PITPNM3: variants seen among roughly 807,000 people sequenced by gnomAD.
The protein encoded by PITPNM3 is PITPNM family member 3.
PITPNM3 carries 26 observed loss-of-function variants against 102.0 expected under a neutral mutation model. The ratio of observed to expected loss-of-function variants is 0.25; its 90% confidence interval spans 0.19 to 0.35. PITPNM3 has a LOEUF of 0.35. Ranked by LOEUF, PITPNM3 falls within the 10% of genes least tolerant of loss-of-function variation. The pLI, the probability that PITPNM3 is intolerant of heterozygous loss-of-function variation, is 1.00. For synonymous variants in PITPNM3, 578 were observed against 558.6 expected, an observed-to-expected ratio of 1.03 and a Z score of -0.49; for missense variants, 1,083 against 1,346.1, an observed-to-expected ratio of 0.80 and a Z score of 3.06.
chr17:6,474,421 ACCAT>A lies in PITPNM3; in HGVS notation c.1258+7_1258+10del, dbSNP rs754320748. 1 of 1,612,636 alleles carries A rather than the reference ACCAT, an allele frequency of 6.2e-7. No homozygotes were observed. The highest frequency in any genetic ancestry group is 8.5e-7 in the Non-Finnish European group (1 of 1,179,718). ...ACAGGCACCTCAGGCCCCAGCCCAC[ACCAT>A]CCCTACCGTCCAGCCCAGGCAGCAC... On this transcript the variant is annotated splice_region_variant and intron_variant, in intron 10 of 19. Transcript: ENST00000262483.
chr17:6,534,371 C>A (rs1200084467), intron 2 of PITPNM3, among the ~76,000 whole-genome samples: 3 of 152,206 alleles, frequency 2.0e-5, no homozygotes, highest in Non-Finnish European at 2.9e-5. Flanking sequence ...CCTCCCATGC[C>A]TTCCATACAG....
rs1439407891 is a variant in PITPNM3, at chr17:6,469,051, C to T, written c.1774-710G>A. The stretch of plus-strand genomic sequence containing the variant: ...GTCCTCTCCCTACACTCTCTGGGTC[C>T]TCCAACCTCAGGGATGTCCTCTTCT... On this transcript the variant is annotated intron_variant, in intron 13 of 19. Coordinates refer to ENST00000262483, the MANE Select transcript of PITPNM3 (RefSeq NM_031220.4). This position sits in a 1 kb window ranked among gnomAD's most constrained non-coding sequence, Gnocchi z 4.0. Among the ~76,000 whole-genome samples, 1 of 152,172 alleles carries T rather than the reference C, an allele frequency of 6.6e-6. No individual in the cohort carries two copies. The highest frequency in any genetic ancestry group is 6.5e-5 in the Admixed American group (1 of 15,282).
intron 2 of PITPNM3, among the ~76,000 whole-genome samples, chr17:6,529,329 TCA>T (rs1184916259): frequency 6.6e-6 from 1 of 152,194 alleles, no homozygotes. Flanking sequence ...GCGCAGTGAC[TCA>T]CACCTGTAAT....
intron 12 of PITPNM3, 129 bp downstream of exon 12, chr17:6,471,032 C>G: frequency 9.1e-7 from 1 of 1,102,672 alleles, no homozygotes; most frequent in Non-Finnish European, 1.3e-6. Context: ...AGCAAGCCCC[C>G]AGGACTTCCT....
In PITPNM3 at chr17:6,468,546, G is replaced by T. The variant is rs1443767289; in HGVS notation, c.1774-205C>A. On this transcript the variant is annotated intron_variant, in intron 13 of 19. Transcript: ENST00000262483. This position sits in a 1 kb window ranked among gnomAD's most constrained non-coding sequence, Gnocchi z 5.2. ...TGGGGCCAGAGCAGTCTCCCAGCTGGCTCCCTTCCTGAGAGAAGTCTCTGC... is the reference window on the plus strand; with the variant it reads ...TGGGGCCAGAGCAGTCTCCCAGCTGTCTCCCTTCCTGAGAGAAGTCTCTGC... 6.6e-6 allele frequency among the ~76,000 whole-genome samples: 1 copy of T among 152,132 alleles called. No homozygotes were observed. The highest frequency in any genetic ancestry group is 1.5e-5 in the Non-Finnish European group (1 of 68,018).
intron 1 of PITPNM3, among the ~76,000 whole-genome samples, chr17:6,548,169 C>A (rs745537587): frequency 1.4e-4 from 22 of 152,138 alleles, no homozygotes; most frequent in Non-Finnish European, 2.4e-4. Flanking sequence ...CCAATGTGAC[C>A]CCCTGCAGGT....
chr17:6,494,315 T>G (rs1906671474), intron 4 of PITPNM3, among the ~76,000 whole-genome samples: 3 of 152,120 alleles, frequency 2.0e-5, no homozygotes, highest in Admixed American at 2.0e-4. Context: ...CAGCCCTGCC[T>G]CCTCAGGGAG....
In PITPNM3 at chr17:6,525,437, T is replaced by C. The variant is rs554054119; in HGVS notation, c.145A>G (p.Ile49Val). 42 of 1,614,096 alleles carry C rather than the reference T, an allele frequency of 2.6e-5. No individual in the cohort carries two copies. Among genetic ancestry groups the C allele is most frequent in the Admixed American group, 6.7e-5 (4 of 60,010 alleles). ...TTCCACTGGCTCATCCCAATGAGGA[T>C]GGCATTCTTCCCTTCAGCCATCTCC... ...REEMAEGKNAILIGMSQWNSN... is the reference protein window; with the variant it reads ...REEMAEGKNAVLIGMSQWNSN... Residue 49 changes from isoleucine to valine, a missense_variant, in exon 3 of 20, where the codon ATC (isoleucine) becomes GTC (valine). By Grantham distance (29) the Ile-to-Val change is conservative. This residue lies in a region of PITPNM3 where 290 missense variants were observed against 337.8 expected (regional missense o/e 0.86). Coordinates refer to ENST00000262483, the MANE Select transcript of PITPNM3 (RefSeq NM_031220.4).
At chr17:6,501,751 C>A (rs1355692854) in intron 4 of PITPNM3, among the ~76,000 whole-genome samples, 3 of 152,212 alleles carry the variant, frequency 2.0e-5, no homozygotes, top group Non-Finnish European at 4.4e-5. Flanking sequence ...GCCTGTGACA[C>A]CAGCCTTCCT....
At chr17:6,546,569 G>T (rs972244914) in intron 1 of PITPNM3, among the ~76,000 whole-genome samples, 2 of 152,176 alleles carry the variant, frequency 1.3e-5, no homozygotes, top group African/African-American at 2.4e-5. Context: ...ACCACACCAC[G>T]AACCTGACCA....
rs1292927991 is a variant in PITPNM3, at chr17:6,537,725, T to C, written c.118+262A>G. On this transcript the variant is annotated intron_variant, in intron 2 of 19. Transcript: ENST00000262483. This position sits in a 1 kb window ranked among gnomAD's most constrained non-coding sequence, Gnocchi z 4.4. ...GCTATAAGTATGATGAGAGCAGCAATGTGACGACTGATTGCCACAGGATCC... is the reference window on the plus strand; with the variant it reads ...GCTATAAGTATGATGAGAGCAGCAACGTGACGACTGATTGCCACAGGATCC... Among the ~76,000 whole-genome samples the C allele has an allele frequency of 6.6e-6, 1 of 152,240 alleles. No individual in the cohort carries two copies. The highest frequency in any genetic ancestry group is 1.5e-5 in the Non-Finnish European group (1 of 68,032).
chr17:6,513,590 A>G (rs140283282), intron 3 of PITPNM3, among the ~76,000 whole-genome samples: 170 of 152,376 alleles, frequency 1.1e-3, no homozygotes, highest in African/African-American at 4.0e-3. Flanking sequence ...TAAAGTTAAC[A>G]AAACAGGTGC....
intron 3 of PITPNM3, among the ~76,000 whole-genome samples, chr17:6,516,708 A>T (rs1353108404): frequency 6.6e-6 from 1 of 152,068 alleles, no homozygotes; most frequent in East Asian, 1.9e-4. Flanking sequence ...CGTCGCTTGA[A>T]ATTTCAGAAT....
intron 6 of PITPNM3, among the ~76,000 whole-genome samples, chr17:6,482,855 C>T (rs17794269): frequency 0.03 from 4,637 of 152,096 alleles, 145 homozygotes; most frequent in South Asian, 0.13. Context: ...TTTCAGATTC[C>T]TACTTGGCTG....
chr17:6,544,654 T>TCTCTCTCA (rs376230474), intron 1 of PITPNM3, among the ~76,000 whole-genome samples: 10,922 of 129,998 alleles, frequency 0.084, 598 homozygotes, highest in South Asian at 0.22. Context: ...TCTCTCTCTC[T>TCTCTCTCA]CACACACACA....
intron 1 of PITPNM3, among the ~76,000 whole-genome samples, chr17:6,552,999 T>A (rs1429119112): frequency 6.6e-6 from 1 of 152,018 alleles, no homozygotes; most frequent in Admixed American, 6.5e-5. Flanking sequence ...CTCGATCTCC[T>A]GACCTCGTGA....
Position 6,528,493 on chromosome 17 carries a change from CATGT to C in PITPNM3, c.119-3034_119-3031del, listed in dbSNP as rs199727703. Among the ~76,000 whole-genome samples, 815 of 151,958 alleles carry C rather than the reference CATGT, an allele frequency of 5.4e-3. 5 individuals carry two copies. Among genetic ancestry groups the C allele is most frequent in the African/African-American group, 0.018 (740 of 41,404 alleles). On this transcript the variant is annotated intron_variant, in intron 2 of 19. Coordinates refer to ENST00000262483, the MANE Select transcript of PITPNM3 (RefSeq NM_031220.4). ...GTGTGTGCATGCATGTGTGTGCATGCATGTGTGAGTGCATACATGCATTGTGTGC... is the reference window on the plus strand; with the variant it reads ...GTGTGTGCATGCATGTGTGTGCATGCGTGAGTGCATACATGCATTGTGTGC...
rs756369655 is a variant in PITPNM3 at position 6,459,132 on chromosome 17, C to T, written c.2491-1410G>A. Among the ~76,000 whole-genome samples, 9 of 152,254 alleles carry T rather than the reference C, an allele frequency of 5.9e-5. No homozygotes were observed. The highest frequency in any genetic ancestry group is 6.5e-5 in the Admixed American group (1 of 15,296). On this transcript the variant is annotated intron_variant, in intron 18 of 19. Transcript: ENST00000262483. The surrounding 1 kb of genome is among the most constrained non-coding windows in gnomAD (Gnocchi z 5.0). ...TATAACTTGGATCCTCCAGCTCTGG[C>T]GACCCTGCCTACCTGCCTCATGACC...
chr17:6,504,531 C>A (rs1012813121), intron 3 of PITPNM3, among the ~76,000 whole-genome samples: 2 of 152,184 alleles, frequency 1.3e-5, no homozygotes, highest in Non-Finnish European at 2.9e-5. Flanking sequence ...CAAAAGCAGG[C>A]AGGGGTAAAC....
Sources: allele counts gnomAD v4.1 joint callset (sites outside exome capture counted in the v4.1 genomes callset), GRCh38; gene constraint gnomAD v4.1.1; regional missense constraint gnomAD v4.1.1; non-coding constraint Gnocchi (gnomAD v3.1); transcripts MANE v1.5; gene names NCBI Gene and HGNC (gene_info 2026-07-23, HGNC 2026-07-21).